SLC5A5: variants seen among roughly 807,000 people sequenced by gnomAD.
The protein encoded by SLC5A5 is solute carrier family 5 member 5.
A neutral mutation model predicts 68.6 loss-of-function variants in SLC5A5; 56 were observed. That is an observed-to-expected ratio of 0.82 (90% CI 0.66 to 1.02). The LOEUF is 1.02. SLC5A5 is among the 50% of genes least tolerant of loss of function. The pLI, the probability that SLC5A5 is intolerant of heterozygous loss-of-function variation, is 0.00. For synonymous variants in SLC5A5, 398 were observed against 373.0 expected (o/e 1.07, Z -0.77); for missense variants, 807 against 859.8 (o/e 0.94, Z 0.77).
intron 6 of SLC5A5, 23 bp downstream of exon 6, chr19:17,877,886 T>C: frequency 1.9e-6 from 3 of 1,613,876 alleles, no homozygotes; most frequent in Non-Finnish European, 2.5e-6. Context: ...GGGAGCAAGG[T>C]CGGGGTTTCT....
chr19:17,879,672 T>C (rs529462499), intron 7 of SLC5A5, among the ~76,000 whole-genome samples: 2 of 152,200 alleles, frequency 1.3e-5, no homozygotes, highest in Non-Finnish European at 2.9e-5. Context: ...CCATCTGCAG[T>C]CCTCCCTGGA....
In SLC5A5 at chr19:17,878,587, C is replaced by T. The variant is rs113424958; in HGVS notation, c.969+494C>T. On this transcript the variant is annotated intron_variant, in intron 7 of 14. Coordinates refer to ENST00000222248, the MANE Select transcript of SLC5A5 (RefSeq NM_000453.3). ...AAGGTGAGTCTGGGAGGCAATGGACCGCCCTCAGTAGGTGTGAGCAGACAA... is the reference window on the plus strand; with the variant it reads ...AAGGTGAGTCTGGGAGGCAATGGACTGCCCTCAGTAGGTGTGAGCAGACAA... Among the ~76,000 whole-genome samples, 334 of 152,080 alleles carry T rather than the reference C, an allele frequency of 2.2e-3. 3 individuals are homozygous for T. The highest frequency in any genetic ancestry group is 0.02 in the South Asian group (98 of 4,808).
chr19:17,884,098 T>G (rs1454536919), intron 12 of SLC5A5, 52 bp downstream of exon 12: 1 of 1,442,614 alleles, frequency 6.9e-7, no homozygotes, highest in Non-Finnish European at 9.4e-7. Context: ...GGTGTGATCT[T>G]GAAGGGAAAC....
chr19:17,888,507 C>T (rs772444798), intron 13 of SLC5A5, 52 bp downstream of exon 13: 2 of 1,605,850 alleles, frequency 1.2e-6, no homozygotes, highest in South Asian at 1.1e-5. Flanking sequence ...ATCTCTCTGC[C>T]TCAAGGCTCC....
chr19:17,893,829 CTG>C lies in SLC5A5; in HGVS notation c.1888_1889del (p.Val630TrpfsTer3). ...ELEGAGSWTP[C>X]VGHDGGRDQQ... is the part of the protein sequence containing the mutation. The stretch of plus-strand genomic sequence containing the variant: ...TGGAGGGGGCTGGCTCTTGGACCCC[CTG>C]TGTTGGACATGATGGTGGTCGAGAC... On this transcript the variant is annotated frameshift_variant, in exon 15 of 15. Coordinates refer to ENST00000222248, the MANE Select transcript of SLC5A5 (RefSeq NM_000453.3). LOFTEE classifies it low-confidence loss of function (END_TRUNC). The C allele has an allele frequency of 6.3e-7, 1 of 1,596,558 alleles. No individual in the cohort carries two copies. Among genetic ancestry groups the C allele is most frequent in the South Asian group, 1.1e-5 (1 of 89,108 alleles).
At chr19:17,876,172 G>A in intron 5 of SLC5A5, 66 bp downstream of exon 5, 2 of 1,554,852 alleles carry the variant, frequency 1.3e-6, no homozygotes, top group East Asian at 2.2e-5. Context: ...GCTCATGCCT[G>A]TAATCCCAGC....
At chr19:17,889,417 G>A (rs867351606) in intron 13 of SLC5A5, among the ~76,000 whole-genome samples, 15 of 117,742 alleles carry the variant, frequency 1.3e-4, no homozygotes, top group African/African-American at 3.7e-4. Context: ...AAAGAAAGAA[G>A]GAAGGAAGGA....
At chr19:17,880,779 G>GCTGGGGACGTGCAGCATC in intron 7 of SLC5A5, 86 bp from the exon 8 acceptor site, 2 of 920,664 alleles carry the variant, frequency 2.2e-6, no homozygotes. Flanking sequence ...CGTCTTGGGT[G>GCTGGGGACGTGCAGCATC]CTGGGGACGT....
In SLC5A5 at chr19:17,893,682, GA is replaced by G. The variant is rs758100188; in HGVS notation, c.1768-30del. The G allele has an allele frequency of 3.1e-6, 5 of 1,610,534 alleles. No individual in the cohort carries two copies. In the East Asian group the frequency reaches 1.1e-4, roughly 36 times the overall value. ...GGAACAGGGTGGGGACAGGGTCTCT[GA>G]TGGGGTCTCTTTTTCCCACTTTTCC... On this transcript the variant is annotated intron_variant, in intron 14 of 14. Transcript: ENST00000222248.
chr19:17,877,834 G>A lies in SLC5A5; in HGVS notation c.810G>A (p.Val270=), dbSNP rs756365621. Residue 270 remains valine, a synonymous_variant, in exon 6 of 15, where the codon GTG becomes GTA. Transcript: ENST00000222248. ...ACCAGGCGCAGGTGCAGCGCTACGTGGCTTGCCGCACAGAGAAGCAGGCCA... is the reference window on the plus strand; with the variant it reads ...ACCAGGCGCAGGTGCAGCGCTACGTAGCTTGCCGCACAGAGAAGCAGGCCA... The part of the protein sequence containing the change: ...GVNQAQVQRY[V]ACRTEKQAKL... The A allele has an allele frequency of 1.2e-6, 2 of 1,614,226 alleles. No individual in the cohort carries two copies. Among genetic ancestry groups the A allele is most frequent in the Non-Finnish European group, 1.7e-6 (2 of 1,180,044 alleles).
rs532176088 is a variant in SLC5A5 at position 17,872,728 on chromosome 19, C to G, written c.357+52C>G. The stretch of plus-strand genomic sequence containing the variant: ...ACCTGCCCCACTGGCAGTGCTGGGA[C>G]CCCGTGTGGGGGAGGCGCTGGGGCT... On this transcript the variant is annotated intron_variant, in intron 1 of 14. Coordinates refer to ENST00000222248, the MANE Select transcript of SLC5A5 (RefSeq NM_000453.3). The G allele has an allele frequency of 2.5e-6, 3 of 1,184,732 alleles. No individual in the cohort carries two copies. The Admixed American group carries it at 5.1e-5, about 20-fold the overall frequency. The allele number at this position is 1,184,732 out of a possible 1,614,324, so 73.4% of individuals were successfully genotyped here. A position where few individuals can be genotyped will look rare whatever the true frequency, so the allele number is the denominator to read the frequency against.
chr19:17,874,434 C>T (rs932229539), intron 2 of SLC5A5, 60 bp from the exon 3 acceptor site: 7 of 1,526,594 alleles, frequency 4.6e-6, no homozygotes, highest in African/African-American at 1.4e-5. Context: ...TGCCTCCTCT[C>T]CCCATCCCCA....
In SLC5A5 at chr19:17,888,348, G is replaced by C. The variant is rs2030003988; in HGVS notation, c.1544G>C (p.Ser515Thr). The C allele has an allele frequency of 6.2e-6, 10 of 1,613,906 alleles. No homozygotes were observed. The highest frequency in any genetic ancestry group is 8.5e-6 in the Non-Finnish European group (10 of 1,179,982). ...SRAPSSGMDA[S>T]RPALADSFYA... ...ACCTGCAGCTCAGGAATGGACGCCA[G>C]CCGACCCGCCTTAGCTGACAGCTTC... The change falls in exon 13 of 15, where the codon AGC becomes ACC. Residue 515 changes from serine (S) to threonine (T), a missense_variant. Coordinates refer to ENST00000222248, the MANE Select transcript of SLC5A5 (RefSeq NM_000453.3).
At chr19:17,873,460 G>GA (rs113950818) in intron 1 of SLC5A5, among the ~76,000 whole-genome samples, 9 of 136,772 alleles carry the variant, frequency 6.6e-5, no homozygotes, top group African/African-American at 1.4e-4. Flanking sequence ...TGTCTCAAAG[G>GA]AAAAAAAAAT....
In SLC5A5 at chr19:17,888,411, C is replaced by T. The variant is rs368563694; in HGVS notation, c.1607C>T (p.Thr536Met). The change falls in exon 13 of 15, where the codon ACG (threonine) becomes ATG (methionine). Residue 536 changes from threonine (T) to methionine (M), a missense_variant. Coordinates refer to ENST00000222248, the MANE Select transcript of SLC5A5 (RefSeq NM_000453.3). ...TATCTCTATTACGGTGCCCTGGGCACGCTGACCACTGTGCTGTGCGGAGCC... is the reference window on the plus strand; with the variant it reads ...TATCTCTATTACGGTGCCCTGGGCATGCTGACCACTGTGCTGTGCGGAGCC... ...ISYLYYGALG[T>M]LTTVLCGALI... 5.4e-5 allele frequency: 87 copies of T among 1,613,774 alleles called. 2 individuals are homozygous for T. The South Asian group carries it at 8.2e-4, about 15-fold the overall frequency.
At chr19:17,885,276 G>A (rs1039452656) in intron 12 of SLC5A5, among the ~76,000 whole-genome samples, 6 of 152,006 alleles carry the variant, frequency 3.9e-5, no homozygotes, top group African/African-American at 1.4e-4. Context: ...CTTGCAAAGT[G>A]CCAGGATGAC....
At chr19:17,888,260 G>A in intron 12 of SLC5A5, 71 bp from the exon 13 acceptor site, 2 of 1,592,108 alleles carry the variant, frequency 1.3e-6, no homozygotes, top group East Asian at 2.2e-5. Flanking sequence ...CAGGGGGTGA[G>A]GTTGGAACAG....
intron 12 of SLC5A5, among the ~76,000 whole-genome samples, chr19:17,888,103 A>G (rs1328095400): frequency 6.6e-6 from 1 of 152,056 alleles, no homozygotes; most frequent in Non-Finnish European, 1.5e-5. Context: ...TCTGAGTTAC[A>G]TTTTAGTAAT....
At chr19:17,892,035 C>T (rs1462947075) in intron 14 of SLC5A5, among the ~76,000 whole-genome samples, 3 of 152,132 alleles carry the variant, frequency 2.0e-5, no homozygotes, top group Non-Finnish European at 2.9e-5. Context: ...CGGTAGCTCA[C>T]GCCTGTAATC....
Sources: gnomAD v4.1 joint callset for allele counts (sites outside exome capture counted in the v4.1 genomes callset) on GRCh38, gnomAD v4.1.1 for gene constraint, MANE v1.5 for transcripts, NCBI Gene and HGNC (gene_info 2026-07-23, HGNC 2026-07-21) for gene names.